The following ELP4 variants were observed in gnomAD, a reference collection of about 807,000 sequenced individuals.
The protein encoded by ELP4 is elongator complex protein 4.
ELP4 carries 51 observed loss-of-function variants against 48.9 expected under a neutral mutation model. The observed-to-expected ratio is 1.04, with a 90% CI of 0.83 to 1.32. The LOEUF (loss-of-function observed/expected upper bound fraction) is 1.32, where lower values mean the gene tolerates loss of function less well. ELP4 is among the 40% of genes most tolerant of loss of function. ELP4 has a pLI of 0.00. For missense variants in ELP4, 519 were observed against 514.6 expected, an observed-to-expected ratio of 1.01 and a Z score of -0.08; for synonymous variants, 210 against 189.2, an observed-to-expected ratio of 1.11 and a Z score of -0.90.
Position 31,645,051 on chromosome 11 carries a change from A to G in ELP4, c.928-2690A>G, listed in dbSNP as rs545354618. 3.3e-5 allele frequency among the ~76,000 whole-genome samples: 5 copies of G among 151,900 alleles called. No individual in the cohort carries two copies. The South Asian group carries it at 1.0e-3, about 32-fold the overall frequency. ...CAAAATAAATGTGCAGAAAGCAGTAAGATCACTGTGAAACTATATAACTAA... is the reference window on the plus strand; with the variant it reads ...CAAAATAAATGTGCAGAAAGCAGTAGGATCACTGTGAAACTATATAACTAA... On this transcript the variant is annotated intron_variant, in intron 7 of 9. Coordinates refer to ENST00000640961, the MANE Select transcript of ELP4 (RefSeq NM_019040.5).
chr11:31,597,774 G>A (rs1453790012), intron 4 of ELP4, among the ~76,000 whole-genome samples: 3 of 151,828 alleles, frequency 2.0e-5, no homozygotes, highest in Admixed American at 6.6e-5. Flanking sequence ...GTTTCATCAT[G>A]TTGGCTGGTC....
chr11:31,556,226 A>G (rs777655824), intron 3 of ELP4, among the ~76,000 whole-genome samples: 4 of 151,892 alleles, frequency 2.6e-5, no homozygotes, highest in Non-Finnish European at 5.9e-5. Flanking sequence ...CACCCCTTAG[A>G]AAATCATATA....
At chr11:31,512,069 A>C (rs1366062869) in intron 1 of ELP4, 1 of 152,224 alleles carries the variant, frequency 6.6e-6, no homozygotes, top group East Asian at 1.9e-4. Context: ...TTAACCTCTT[A>C]ATGACATTTT....
intron 9 of ELP4, among the ~76,000 whole-genome samples, chr11:31,655,378 GA>G (rs66609311): frequency 0.64 from 95,210 of 149,772 alleles, 31,438 homozygotes; most frequent in Non-Finnish European, 0.71. Context: ...GAAGAGATAA[GA>G]AAAAAAAAAA....
At chr11:31,543,874 G>A (rs565832465) in intron 3 of ELP4, among the ~76,000 whole-genome samples, 1 of 152,024 alleles carries the variant, frequency 6.6e-6, no homozygotes, top group African/African-American at 2.4e-5. Flanking sequence ...TAAAAAGGTG[G>A]TTTTTTATGA....
chr11:31,528,359 T>C (rs778406062), intron 2 of ELP4, among the ~76,000 whole-genome samples: 2 of 152,116 alleles, frequency 1.3e-5, no homozygotes, highest in Non-Finnish European at 2.9e-5. Flanking sequence ...AATATTATGA[T>C]GGATACACTG....
At chr11:31,623,384 T>TAA (rs1565084266) in intron 5 of ELP4, among the ~76,000 whole-genome samples, 6,931 of 78,552 alleles carry the variant, frequency 0.088, 512 homozygotes, top group Non-Finnish European at 0.14. Context: ...TATATATATA[T>TAA]ATATATAAAA....
chr11:31,669,633 C>G (rs1945763729), intron 9 of ELP4, among the ~76,000 whole-genome samples: 1 of 152,134 alleles, frequency 6.6e-6, no homozygotes, highest in African/African-American at 2.4e-5. Context: ...CAGAAACTGT[C>G]TTTTTCTTCC....
chr11:31,635,321 A>G (rs1326418987), intron 7 of ELP4, among the ~76,000 whole-genome samples: 1 of 151,978 alleles, frequency 6.6e-6, no homozygotes, highest in Non-Finnish European at 1.5e-5. Context: ...GGCCAGTTGC[A>G]GTCCTTAATG....
intron 5 of ELP4, among the ~76,000 whole-genome samples, chr11:31,614,366 C>T (rs1261662611): frequency 6.6e-6 from 1 of 151,924 alleles, no homozygotes; most frequent in Non-Finnish European, 1.5e-5. Flanking sequence ...ATGATGATGG[C>T]ATATCAAAAG....
In ELP4 at chr11:31,789,394, A is replaced by T. The variant is rs919716628; in HGVS notation, c.*5870A>T. 6 of 339,344 alleles carry T rather than the reference A, an allele frequency of 1.8e-5. No homozygotes were observed. The highest frequency in any genetic ancestry group is 3.2e-5 in the Non-Finnish European group (6 of 189,172). 21.0% of individuals were successfully genotyped at this position (339,344 alleles called of 1,614,324 possible). On this transcript the variant is annotated 3_prime_UTR_variant, in exon 10 of 10. Transcript: ENST00000640961. ...ACTTCATCTGTTAACAACCTTTGGA[A>T]AACCAACAGATATTTCTGACATAAA...
At chr11:31,727,331 A>G (rs1947096514) in intron 9 of ELP4, among the ~76,000 whole-genome samples, 1 of 152,126 alleles carries the variant, frequency 6.6e-6, no homozygotes, top group Non-Finnish European at 1.5e-5. Context: ...AGAATTTGAG[A>G]TCTTGATTTA....
At chr11:31,543,452 G>A (rs376053580) in intron 3 of ELP4, among the ~76,000 whole-genome samples, 8 of 151,812 alleles carry the variant, frequency 5.3e-5, no homozygotes, top group African/African-American at 1.7e-4. Flanking sequence ...CCCAAGTAGC[G>A]GGGACTACAG....
At chr11:31,625,087 G>A (rs1944711298) in intron 5 of ELP4, among the ~76,000 whole-genome samples, 1 of 151,130 alleles carries the variant, frequency 6.6e-6, no homozygotes, top group South Asian at 2.1e-4. Context: ...AAGTACATAA[G>A]CCAGTAAAGT....
At chr11:31,566,830 A>T (rs533763738) in intron 3 of ELP4, among the ~76,000 whole-genome samples, 14 of 152,256 alleles carry the variant, frequency 9.2e-5, no homozygotes, top group Non-Finnish European at 1.6e-4. Context: ...AGACTTACTT[A>T]TTTTTTAAGT....
chr11:31,656,312 T>C (rs529397336), intron 9 of ELP4, among the ~76,000 whole-genome samples: 2 of 152,024 alleles, frequency 1.3e-5, no homozygotes, highest in Non-Finnish European at 2.9e-5. Context: ...TCCTGTTTGC[T>C]TCTGTGTTCA....
intron 9 of ELP4, among the ~76,000 whole-genome samples, chr11:31,731,926 A>G (rs1947198714): frequency 6.6e-6 from 1 of 152,208 alleles, no homozygotes; most frequent in Non-Finnish European, 1.5e-5. Flanking sequence ...AATGAAAAAA[A>G]AAATTGCCAA....
At chr11:31,577,064 AG>A (rs1957296333) in intron 3 of ELP4, among the ~76,000 whole-genome samples, 1 of 152,322 alleles carries the variant, frequency 6.6e-6, no homozygotes, top group Non-Finnish European at 1.5e-5. Context: ...ACGAAAAGAA[AG>A]AAGAATCAAA....
intron 9 of ELP4, among the ~76,000 whole-genome samples, chr11:31,711,012 G>A (rs1246006812): frequency 6.6e-6 from 1 of 152,106 alleles, no homozygotes; most frequent in Non-Finnish European, 1.5e-5. Flanking sequence ...AAGATATAAA[G>A]CAAGAGGAAT....
Sources: allele counts gnomAD v4.1 joint callset (sites outside exome capture counted in the v4.1 genomes callset), GRCh38; gene constraint gnomAD v4.1.1; transcripts MANE v1.5; gene names NCBI Gene and HGNC (gene_info 2026-07-23, HGNC 2026-07-21).